The following LINGO2 variants were observed in gnomAD, a reference collection of about 807,000 sequenced individuals.
LINGO2 encodes leucine-rich repeat and immunoglobulin-like domain-containing nogo receptor-interacting protein 2.
Under a neutral mutation model 30.6 loss-of-function variants are expected in LINGO2, and 14 were observed. That is an observed-to-expected ratio of 0.46 (90% CI 0.30 to 0.72). The LOEUF is 0.72. Ranked by LOEUF, LINGO2 falls within the 30% of genes least tolerant of loss-of-function variation. The probability of loss-of-function intolerance (pLI) is 0.07; values close to 1 mark genes in which losing one functional copy is unlikely to be tolerated. For synonymous variants in LINGO2, 317 were observed against 288.5 expected, an observed-to-expected ratio of 1.10 and a Z score of -1.00; for missense variants, 729 against 751.7, an observed-to-expected ratio of 0.97 and a Z score of 0.35.
At position 28,083,806 on chromosome 9, in the gene LINGO2, A is replaced by C. The variant is rs540984181; in HGVS notation, c.-86-71401T>G. On this transcript the variant is annotated intron_variant, in intron 4 of 5. Coordinates refer to ENST00000379992, the Ensembl canonical transcript of LINGO2. ...AATCAATAGTATTATTTTTTTCTTG[A>C]GTTTGTTAACTATAGTAATTGCAAA... Among the ~76,000 whole-genome samples the C allele has an allele frequency of 2.4e-3, 360 of 152,202 alleles. 2 individuals are homozygous for C. Among genetic ancestry groups the C allele is most frequent in the African/African-American group, 8.3e-3 (345 of 41,542 alleles).
the LINGO2 span, among the ~76,000 whole-genome samples, chr9:29,133,192 C>T: frequency 6.6e-6 from 1 of 152,074 alleles, no homozygotes; most frequent in South Asian, 2.1e-4. Context: ...TTAATAAAGA[C>T]ACAATACTGG....
chr9:28,561,874 T>G (rs1823104681), intron 1 of LINGO2, among the ~76,000 whole-genome samples: 1 of 150,504 alleles, frequency 6.6e-6, no homozygotes, highest in Admixed American at 6.6e-5. Context: ...ACAGTGAGGA[T>G]GAAGCACTGC....
the LINGO2 span, among the ~76,000 whole-genome samples, chr9:28,883,626 G>GTATATATATATATATA: frequency 3.9e-5 from 1 of 25,638 alleles, no homozygotes. Context: ...ATATGTGTGT[G>GTATATATATATATATA]TGTATATATA....
chr9:28,344,350 G>A (rs2134405163), intron 3 of LINGO2, among the ~76,000 whole-genome samples: 1 of 152,152 alleles, frequency 6.6e-6, no homozygotes, highest in Admixed American at 6.5e-5. Flanking sequence ...TAAAGAAGCA[G>A]GAGAGATACC....
At chr9:28,390,717 T>C (rs1395190830) in intron 2 of LINGO2, among the ~76,000 whole-genome samples, 1 of 152,206 alleles carries the variant, frequency 6.6e-6, no homozygotes, top group Non-Finnish European at 1.5e-5. Flanking sequence ...CACATCTGAC[T>C]TCTCCTAGGT....
chr9:28,882,568 T>G, the LINGO2 span, among the ~76,000 whole-genome samples: 1 of 152,144 alleles, frequency 6.6e-6, no homozygotes, highest in African/African-American at 2.4e-5. Flanking sequence ...TCAATATCAG[T>G]ACACTAGAAA....
intron 4 of LINGO2, among the ~76,000 whole-genome samples, chr9:28,029,960 G>A (rs184420061): frequency 1.8e-4 from 28 of 152,306 alleles, no homozygotes; most frequent in African/African-American, 6.7e-4. Flanking sequence ...GACAATTCAA[G>A]TGAAGAGCGT....
intron 1 of LINGO2, among the ~76,000 whole-genome samples, chr9:28,568,761 A>G (rs532003718): frequency 1.3e-5 from 2 of 152,156 alleles, no homozygotes; most frequent in South Asian, 4.1e-4. Flanking sequence ...GTCCTTCAGA[A>G]ATAAAGATGG....
intron 3 of LINGO2, among the ~76,000 whole-genome samples, chr9:28,332,608 T>C (rs1321307336): frequency 6.8e-6 from 1 of 148,104 alleles, no homozygotes; most frequent in South Asian, 2.1e-4. Context: ...GCAGGGGGAA[T>C]GGGGAAAAGG....
chr9:28,869,543 T>C, the LINGO2 span, among the ~76,000 whole-genome samples: 3 of 151,930 alleles, frequency 2.0e-5, no homozygotes, highest in African/African-American at 7.3e-5. Context: ...TGTTAAATTA[T>C]GTATGACAGA....
chr9:28,844,571 T>C, the LINGO2 span, among the ~76,000 whole-genome samples: 78 of 151,922 alleles, frequency 5.1e-4, 1 homozygote, highest in African/African-American at 1.8e-3. Flanking sequence ...TCTTTTCATG[T>C]TCCATCCTGA....
chr9:28,579,412 ATACT>A (rs1824153206), intron 1 of LINGO2, among the ~76,000 whole-genome samples: 2 of 152,102 alleles, frequency 1.3e-5, no homozygotes, highest in South Asian at 4.1e-4. Context: ...TGACAAAACA[ATACT>A]TTGTTGCTGG....
At chr9:27,955,822 T>C (rs1481463496) in intron 5 of LINGO2, among the ~76,000 whole-genome samples, 7 of 152,088 alleles carry the variant, frequency 4.6e-5, no homozygotes, top group African/African-American at 1.7e-4. Flanking sequence ...ATATGTATAG[T>C]ATTTATAAGA....
intron 1 of LINGO2, among the ~76,000 whole-genome samples, chr9:28,513,081 T>TCACA (rs1396894005): frequency 1.9e-5 from 2 of 102,728 alleles, no homozygotes; most frequent in African/African-American, 9.3e-5. Context: ...GTATTAACCA[T>TCACA]CATACACACA....
the LINGO2 span, among the ~76,000 whole-genome samples, chr9:29,006,190 T>A: frequency 4.6e-5 from 7 of 151,764 alleles, no homozygotes; most frequent in African/African-American, 1.5e-4. Flanking sequence ...CACACAAACA[T>A]ATAAACAAGA....
chr9:28,712,324 G>A, the LINGO2 span, among the ~76,000 whole-genome samples: 1 of 151,970 alleles, frequency 6.6e-6, no homozygotes, highest in African/African-American at 2.4e-5. Flanking sequence ...AAATGTATGT[G>A]TGTAAATATA....
intron 2 of LINGO2, among the ~76,000 whole-genome samples, chr9:28,382,061 A>T (rs986408958): frequency 6.6e-6 from 1 of 152,138 alleles, no homozygotes; most frequent in Non-Finnish European, 1.5e-5. Flanking sequence ...ATATTGAGCT[A>T]GTTCTCTACT....
chr9:29,212,606 A>C, the LINGO2 span, among the ~76,000 whole-genome samples: 1 of 151,786 alleles, frequency 6.6e-6, no homozygotes, highest in East Asian at 1.9e-4. Flanking sequence ...AAATTTAAAA[A>C]AAAAACCTCT....
At chr9:28,097,408 C>T (rs1203129144) in intron 4 of LINGO2, among the ~76,000 whole-genome samples, 1 of 147,214 alleles carries the variant, frequency 6.8e-6, no homozygotes, top group African/African-American at 2.5e-5. Flanking sequence ...CGGCACTATT[C>T]ACAATAGCAA....
Sources: gnomAD v4.1 joint callset for allele counts (sites outside exome capture counted in the v4.1 genomes callset) on GRCh38, gnomAD v4.1.1 for gene constraint, MANE v1.5 for transcripts, NCBI Gene and HGNC (gene_info 2026-07-23, HGNC 2026-07-21) for gene names.